The following PRDM11 variants were observed in gnomAD, a reference collection of about 807,000 sequenced individuals.
The protein encoded by PRDM11 is PR domain-containing protein 11.
In PRDM11, 20 loss-of-function variants were observed where a neutral mutation model predicts 97.8. The ratio of observed to expected loss-of-function variants is 0.20; its 90% CI spans 0.14 to 0.30. The LOEUF (loss-of-function observed/expected upper bound fraction) is 0.30. Among genes scored for constraint, PRDM11 ranks in the 10% least tolerant of loss-of-function variants. The pLI, the probability that PRDM11 is intolerant of heterozygous loss-of-function variation, is 1.00. For missense variants in PRDM11, 1,139 were observed against 1,555.2 expected (o/e 0.73, Z 4.50); for synonymous variants, 599 against 637.7 (o/e 0.94, Z 0.91).
intron 4 of PRDM11, among the ~76,000 whole-genome samples, chr11:45,202,849 G>T (rs1412394870): frequency 6.6e-6 from 1 of 152,196 alleles, no homozygotes; most frequent in African/African-American, 2.4e-5. Context: ...CTGAATGCTT[G>T]AAATATTTCA....
intron 5 of PRDM11, among the ~76,000 whole-genome samples, chr11:45,212,105 A>C (rs1853759817): frequency 6.6e-6 from 1 of 152,170 alleles, no homozygotes; most frequent in Non-Finnish European, 1.5e-5. Context: ...ATGTGTAGAC[A>C]GGGCAGTCGT....
chr11:45,103,351 GGAGGAGGAA>G (rs1325212981), intron 1 of PRDM11, among the ~76,000 whole-genome samples: 7 of 152,186 alleles, frequency 4.6e-5, no homozygotes, highest in African/African-American at 2.4e-5. Flanking sequence ...AGGAAAAGTT[GGAGGAGGAA>G]GAGGAGGAAG....
intron 1 of PRDM11, among the ~76,000 whole-genome samples, chr11:45,147,761 G>C (rs970910413): frequency 5.3e-5 from 8 of 152,210 alleles, no homozygotes; most frequent in African/African-American, 1.9e-4. Context: ...AACCCCCCAG[G>C]CTGGGCTGGG....
chr11:45,222,026 A>G (rs1208257744), intron 6 of PRDM11, among the ~76,000 whole-genome samples: 1 of 152,216 alleles, frequency 6.6e-6, no homozygotes, highest in Non-Finnish European at 1.5e-5. Flanking sequence ...ATGAATTATT[A>G]GTTCTTATTA....
At chr11:45,113,360 T>A (rs1852226349) in intron 1 of PRDM11, among the ~76,000 whole-genome samples, 2 of 152,262 alleles carry the variant, frequency 1.3e-5, no homozygotes, top group African/African-American at 4.8e-5. Context: ...TATAGCCTTA[T>A]AATATAGTTT....
At chr11:45,209,950 G>A (rs1191258328) in intron 5 of PRDM11, among the ~76,000 whole-genome samples, 2 of 152,176 alleles carry the variant, frequency 1.3e-5, no homozygotes, top group African/African-American at 4.8e-5. Context: ...GCGCGGAGAA[G>A]GGGAGGGGAG....
At chr11:45,208,440 C>T (rs1853593016) in intron 5 of PRDM11, among the ~76,000 whole-genome samples, 1 of 152,184 alleles carries the variant, frequency 6.6e-6, no homozygotes, top group African/African-American at 2.4e-5. Flanking sequence ...AGGCAATGGG[C>T]TAATCCTAAT....
At chr11:45,116,599 G>A (rs73464531) in intron 1 of PRDM11, among the ~76,000 whole-genome samples, 3,884 of 152,216 alleles carry the variant, frequency 0.026, 168 homozygotes, top group African/African-American at 0.088. Context: ...GAATAATAAC[G>A]AAAATATATC....
chr11:45,100,658 C>G (rs1333407560), intron 1 of PRDM11, among the ~76,000 whole-genome samples: 1 of 152,228 alleles, frequency 6.6e-6, no homozygotes, highest in Non-Finnish European at 1.5e-5. Flanking sequence ...TTTGCATACC[C>G]ATCAGCCAGT....
intron 1 of PRDM11, among the ~76,000 whole-genome samples, chr11:45,110,836 C>G (rs7107896): frequency 3.9e-5 from 6 of 152,100 alleles, no homozygotes; most frequent in Admixed American, 1.3e-4. Flanking sequence ...CCTTTCTTTG[C>G]GTTGCCCAGA....
chr11:45,155,715 G>C (rs1298498700), intron 1 of PRDM11, among the ~76,000 whole-genome samples: 1 of 151,896 alleles, frequency 6.6e-6, no homozygotes, highest in African/African-American at 2.4e-5. Flanking sequence ...AGTCCTCAAG[G>C]GAAATCAGCA....
At chr11:45,169,066 A>G (rs2135715541) in intron 1 of PRDM11, among the ~76,000 whole-genome samples, 1 of 151,974 alleles carries the variant, frequency 6.6e-6, no homozygotes, top group African/African-American at 2.4e-5. Flanking sequence ...TGCCTGCCTC[A>G]CCCCGAATCA....
At chr11:45,210,358 G>A (rs114079041) in intron 5 of PRDM11, among the ~76,000 whole-genome samples, 2,095 of 152,310 alleles carry the variant, frequency 0.014, 40 homozygotes, top group African/African-American at 0.048. Context: ...CCCAGCGGCC[G>A]AGGCGGGTGT....
intron 1 of PRDM11, among the ~76,000 whole-genome samples, chr11:45,154,881 C>G (rs557582709): frequency 6.6e-6 from 1 of 152,194 alleles, no homozygotes; most frequent in African/African-American, 2.4e-5. Context: ...AAATCTAGCA[C>G]CCCTTCCTCT....
At chr11:45,148,150 G>C (rs1368627675) in intron 1 of PRDM11, among the ~76,000 whole-genome samples, 1 of 152,148 alleles carries the variant, frequency 6.6e-6, no homozygotes, top group African/African-American at 2.4e-5. Flanking sequence ...GAGTTCTATA[G>C]GGCACGTGTA....
At chr11:45,185,791 A>G (rs1852683423) in intron 4 of PRDM11, among the ~76,000 whole-genome samples, 1 of 152,164 alleles carries the variant, frequency 6.6e-6, no homozygotes, top group Non-Finnish European at 1.5e-5. Context: ...AGAACTTGTA[A>G]ATATACTATC....
chr11:45,155,799 C>T (rs1181711809), intron 1 of PRDM11, among the ~76,000 whole-genome samples: 1 of 151,810 alleles, frequency 6.6e-6, no homozygotes, highest in African/African-American at 2.4e-5. Context: ...GAAGAGCAAG[C>T]AGAAAAGGAG....
intron 4 of PRDM11, among the ~76,000 whole-genome samples, chr11:45,199,072 C>T (rs1462705543): frequency 6.6e-6 from 1 of 152,132 alleles, no homozygotes; most frequent in African/African-American, 2.4e-5. Flanking sequence ...TTTTTATTGT[C>T]TTTATTAATT....
intron 1 of PRDM11, among the ~76,000 whole-genome samples, chr11:45,105,684 G>A (rs1036478071): frequency 2.0e-5 from 3 of 152,328 alleles, no homozygotes; most frequent in Admixed American, 1.3e-4. Flanking sequence ...GCCCTGGCCC[G>A]CCACCTGGTG....
Sources: gnomAD v4.1 joint callset for allele counts (sites outside exome capture counted in the v4.1 genomes callset) on GRCh38, gnomAD v4.1.1 for gene constraint, MANE v1.5 for transcripts, NCBI Gene and HGNC (gene_info 2026-07-23, HGNC 2026-07-21) for gene names.